EXOSC1: variants seen among roughly 807,000 people sequenced by gnomAD.
EXOSC1 encodes the protein exosome component 1.
Under a neutral mutation model 31.4 loss-of-function variants are expected in EXOSC1, and 27 were observed. That is an observed-to-expected ratio of 0.86 (90% CI 0.63 to 1.18). The LOEUF (loss-of-function observed/expected upper bound fraction) is 1.18, where lower values mean the gene tolerates loss of function less well. Ranked by LOEUF, EXOSC1 falls within the 50% of genes most tolerant of loss-of-function variation. The pLI is 0.00. For synonymous variants in EXOSC1, 84 were observed against 89.5 expected, an observed-to-expected ratio of 0.94 and a Z score of 0.35; for missense variants, 228 against 250.3, an observed-to-expected ratio of 0.91 and a Z score of 0.60.
chr10:97,438,023 G>A (rs886173888), intron 5 of EXOSC1, among the ~76,000 whole-genome samples: 1 of 151,848 alleles, frequency 6.6e-6, no homozygotes, highest in Admixed American at 6.6e-5. Flanking sequence ...GGGTTCAAGC[G>A]ATTCTCCTGC....
At chr10:97,437,540 G>A (rs1409328235) in intron 6 of EXOSC1, among the ~76,000 whole-genome samples, 160 bp downstream of exon 6, 2 of 152,006 alleles carry the variant, frequency 1.3e-5, no homozygotes, top group Non-Finnish European at 2.9e-5. Flanking sequence ...TAGAGACAGG[G>A]TTTCACCATG....
chr10:97,438,750 A>ATTT (rs11316935), intron 4 of EXOSC1, 47 bp from the exon 5 acceptor site: 349 of 996,192 alleles, frequency 3.5e-4, no homozygotes, highest in Middle Eastern at 7.3e-4. Context: ...GTGAGAAAGA[A>ATTT]TTTTTTTTTT....
At chr10:97,438,519 G>C in intron 5 of EXOSC1, 151 bp downstream of exon 5, 1 of 691,766 alleles carries the variant, frequency 1.4e-6, no homozygotes, top group East Asian at 2.6e-5. Flanking sequence ...TGCCAGGGCT[G>C]GTCTTGAAGT....
rs1279927193 is a variant in EXOSC1, at chr10:97,446,000, C to T, written c.-15G>A. The T allele has an allele frequency of 6.2e-7, 1 of 1,614,232 alleles. No individual in the cohort carries two copies. The highest frequency in any genetic ancestry group is 8.5e-7 in the Non-Finnish European group (1 of 1,180,042). On this transcript the variant is annotated 5_prime_UTR_variant, in exon 1 of 8. Transcript: ENST00000370902. ...GGTGGCGCCATGATTGCCGCTGTCC[C>T]AAAACCAGGATGAAAACGAAGTCGA...
At chr10:97,437,355 CTTT>C in intron 6 of EXOSC1, 80 bp from the exon 7 acceptor site, 2 of 891,108 alleles carry the variant, frequency 2.2e-6, no homozygotes, top group Non-Finnish European at 3.3e-6. Context: ...GTTTTTCTAC[CTTT>C]TTTTTTTTCT....
intron 2 of EXOSC1, chr10:97,445,430 C>T (rs899711962): frequency 5.0e-6 from 2 of 402,388 alleles, no homozygotes; most frequent in Non-Finnish European, 9.0e-6. Flanking sequence ...AGGTAAGCAA[C>T]ATTCATACAG....
chr10:97,441,228 A>C lies in EXOSC1; in HGVS notation c.254T>G (p.Val85Gly), dbSNP rs1220443150. The part of the protein sequence containing the change: ...VSSINSRFAK[V>G]HILYVGSMPL... ...CATGGACCCCACATACAGGATGTGT[A>C]CTTTGGCAAAGCGTGAATTGATGCT... Residue 85 changes from valine to glycine, a missense_variant, in exon 4 of 8, where the codon GTA (valine) becomes GGA (glycine). Physicochemically the swap from Val to Gly is moderately radical, Grantham distance 109. Coordinates refer to ENST00000370902, the MANE Select transcript of EXOSC1 (RefSeq NM_016046.5). 1.1e-5 allele frequency: 17 copies of C among 1,614,024 alleles called. No homozygotes were observed.
At position 97,445,866 on chromosome 10, in the gene EXOSC1, A is replaced by G. The variant is rs767590938; in HGVS notation, c.32-19T>C. On this transcript the variant is annotated intron_variant, in intron 1 of 7. Coordinates refer to ENST00000370902, the MANE Select transcript of EXOSC1 (RefSeq NM_016046.5). ...CGTTCGCCTGCAGAAAAAATGCTGCATCGGTCACGGGCCCCCAGAAGCTGT... is the reference window on the plus strand; with the variant it reads ...CGTTCGCCTGCAGAAAAAATGCTGCGTCGGTCACGGGCCCCCAGAAGCTGT... 1 of 1,613,580 alleles carries G rather than the reference A, an allele frequency of 6.2e-7. No individual in the cohort carries two copies. The highest frequency in any genetic ancestry group is 8.5e-7 in the Non-Finnish European group (1 of 1,179,690).
At chr10:97,445,578 C>A in intron 2 of EXOSC1, 154 bp downstream of exon 2, 1 of 672,170 alleles carries the variant, frequency 1.5e-6, no homozygotes, top group African/African-American at 1.8e-5. Flanking sequence ...TGGCTAAGTG[C>A]ACCACAGCGG....
chr10:97,436,362 C>T lies in EXOSC1; in HGVS notation c.*83G>A. The T allele has an allele frequency of 9.6e-7, 1 of 1,037,902 alleles. No homozygotes were observed. The highest frequency in any genetic ancestry group is 1.5e-6 in the Non-Finnish European group (1 of 678,154). The allele number at this position is 1,037,902 out of a possible 1,614,324, so 64.3% of individuals were successfully genotyped here. On this transcript the variant is annotated 3_prime_UTR_variant, in exon 8 of 8. Coordinates refer to ENST00000370902, the MANE Select transcript of EXOSC1 (RefSeq NM_016046.5). ...TCTGGAAGTGGCTGTTGGCCGACGCCAGGTGTTTGAATAAAGACAGCAGCA... is the reference window on the plus strand; with the variant it reads ...TCTGGAAGTGGCTGTTGGCCGACGCTAGGTGTTTGAATAAAGACAGCAGCA...
chr10:97,444,942 G>C (rs926186590), intron 2 of EXOSC1: 3 of 152,196 alleles, frequency 2.0e-5, no homozygotes, highest in African/African-American at 7.2e-5. Flanking sequence ...GCTATATACG[G>C]ATGGTATGGT....
intron 3 of EXOSC1, 87 bp downstream of exon 3, chr10:97,443,150 C>A: frequency 9.3e-7 from 1 of 1,079,646 alleles, no homozygotes; most frequent in Non-Finnish European, 1.4e-6. Context: ...TAGCTTGTGG[C>A]TATCATACTG....
intron 3 of EXOSC1, among the ~76,000 whole-genome samples, chr10:97,441,702 C>T (rs534687136): frequency 1.8e-3 from 270 of 150,932 alleles, no homozygotes; most frequent in South Asian, 4.2e-3. Flanking sequence ...GTTGGTCAGG[C>T]TGGTCTCGAA....
intron 5 of EXOSC1, 56 bp downstream of exon 5, chr10:97,438,614 A>G (rs546057044): frequency 6.5e-7 from 1 of 1,535,178 alleles, no homozygotes; most frequent in Admixed American, 1.8e-5. Context: ...CTGAGATAAT[A>G]CTTTTAAGGG....
rs1451659878 is a variant in EXOSC1, at chr10:97,437,197, C to G, written c.475G>C (p.Glu159Gln). Reference sequence around the variant, plus strand: ...GGAAACAAGGCCATCTCACCTGACTCACTGTGGGCTACCACCACTCCCAGC... The same window carrying G: ...GGAAACAAGGCCATCTCACCTGACTGACTGTGGGCTACCACCACTCCCAGC... Reference protein sequence around the residue: ...NELGVVVAHSESGIQMVPISW... With the variant: ...NELGVVVAHSQSGIQMVPISW... The change falls in exon 7 of 8, where the codon GAG becomes CAG. Residue 159 changes from glutamate to glutamine, a missense_variant. Coordinates refer to ENST00000370902, the MANE Select transcript of EXOSC1 (RefSeq NM_016046.5). The G allele has an allele frequency of 6.2e-7, 1 of 1,613,740 alleles. No individual in the cohort carries two copies. Among genetic ancestry groups the G allele is most frequent in the South Asian group, 1.1e-5 (1 of 91,062 alleles).
rs375542814 is a variant in EXOSC1 at position 97,436,427 on chromosome 10, A to G, written c.*18T>C. The G allele has an allele frequency of 3.7e-4, 583 of 1,566,012 alleles. No homozygotes were observed. The highest frequency in any genetic ancestry group is 5.0e-4 in the Non-Finnish European group (569 of 1,137,198). ...TCAGGAACAGCTTACCCCCTTCCAT[A>G]GGGTAAAAAGTGGCTTCTTAGGTCT... On this transcript the variant is annotated 3_prime_UTR_variant, in exon 8 of 8. Transcript: ENST00000370902.
In EXOSC1 at chr10:97,436,393, G is replaced by A. The variant is rs1225730921; in HGVS notation, c.*52C>T. On this transcript the variant is annotated 3_prime_UTR_variant, in exon 8 of 8. Coordinates refer to ENST00000370902, the MANE Select transcript of EXOSC1 (RefSeq NM_016046.5). ...TTTGAATAAAGACAGCAGCATCTTG[G>A]TGTTATACTCAGGAACAGCTTACCC... is the stretch of plus-strand genomic sequence containing the variant. 1 of 1,314,120 alleles carries A rather than the reference G, an allele frequency of 7.6e-7. No homozygotes were observed. The highest frequency in any genetic ancestry group is 1.2e-5 in the South Asian group (1 of 83,478). The allele number at this position is 1,314,120 out of a possible 1,614,324, so 81.4% of individuals were successfully genotyped here. A position where few individuals can be genotyped will look rare whatever the true frequency, so the allele number is the denominator to read the frequency against.
Position 97,445,995 on chromosome 10 carries a change from T to C in EXOSC1, c.-10A>G. 1.2e-6 allele frequency: 2 copies of C among 1,614,238 alleles called. No individual in the cohort carries two copies. Among genetic ancestry groups the C allele is most frequent in the South Asian group, 2.2e-5 (2 of 91,086 alleles). The stretch of plus-strand genomic sequence containing the variant: ...TCACAGGTGGCGCCATGATTGCCGC[T>C]GTCCCAAAACCAGGATGAAAACGAA... On this transcript the variant is annotated 5_prime_UTR_variant, in exon 1 of 8. Coordinates refer to ENST00000370902, the MANE Select transcript of EXOSC1 (RefSeq NM_016046.5).
At chr10:97,440,928 A>G in intron 4 of EXOSC1, 1 of 320,040 alleles carries the variant, frequency 3.1e-6, no homozygotes, top group East Asian at 6.7e-5. Flanking sequence ...CTAGGATAAC[A>G]GGCGTGAGCC....
Sources: gnomAD v4.1 joint callset for allele counts (sites outside exome capture counted in the v4.1 genomes callset) on GRCh38, gnomAD v4.1.1 for gene constraint, MANE v1.5 for transcripts, NCBI Gene and HGNC (gene_info 2026-07-23, HGNC 2026-07-21) for gene names.